PRIM2: variants seen among roughly 807,000 people sequenced by gnomAD.
PRIM2 encodes DNA primase large subunit.
A neutral mutation model predicts 67.3 loss-of-function variants in PRIM2; 39 were observed. The observed-to-expected ratio is 0.58, with a 90% CI of 0.45 to 0.76. PRIM2 has a LOEUF of 0.76. Among genes scored for constraint, PRIM2 ranks in the 30% least tolerant of loss-of-function variants. The pLI is 0.00. For synonymous variants in PRIM2, 143 were observed against 198.7 expected (o/e 0.72, Z 2.36); for missense variants, 398 against 598.7 (o/e 0.66, Z 3.50).
the PRIM2 span, among the ~76,000 whole-genome samples, chr6:57,302,407 G>T: frequency 6.6e-6 from 1 of 152,072 alleles, no homozygotes; most frequent in African/African-American, 2.4e-5. Flanking sequence ...TTTTCCATGG[G>T]TTTAACTGAG....
chr6:57,398,202 C>T (rs888879369), intron 7 of PRIM2, among the ~76,000 whole-genome samples: 4 of 152,090 alleles, frequency 2.6e-5, no homozygotes, highest in Non-Finnish European at 4.4e-5. Context: ...TCATGATCTG[C>T]TTGCCTCGGC....
intron 7 of PRIM2, among the ~76,000 whole-genome samples, chr6:57,483,614 A>G (rs1332794158): frequency 2.0e-5 from 3 of 152,194 alleles, no homozygotes; most frequent in Non-Finnish European, 4.4e-5. Flanking sequence ...ATTGCTAATA[A>G]TGACTGTTAA....
chr6:57,509,278 A>T (rs1422422318), intron 8 of PRIM2, among the ~76,000 whole-genome samples: 180 of 152,126 alleles, frequency 1.2e-3, no homozygotes, highest in African/African-American at 4.1e-3. Flanking sequence ...TGAATAGCAT[A>T]CATTTTTATG....
the PRIM2 span, among the ~76,000 whole-genome samples, chr6:57,245,635 A>T: frequency 6.6e-6 from 1 of 152,132 alleles, no homozygotes; most frequent in African/African-American, 2.4e-5. Flanking sequence ...TAGCATTTTG[A>T]TAGTCTAAGC....
At chr6:57,558,352 G>T (rs2127477288) in intron 10 of PRIM2, among the ~76,000 whole-genome samples, 1 of 152,276 alleles carries the variant, frequency 6.6e-6, no homozygotes, top group South Asian at 2.1e-4. Flanking sequence ...CTCAGAGAGG[G>T]CTTCATGGAC....
At chr6:57,389,553 A>C (rs1026801963) in intron 7 of PRIM2, among the ~76,000 whole-genome samples, 6 of 152,224 alleles carry the variant, frequency 3.9e-5, no homozygotes, top group Non-Finnish European at 8.8e-5. Context: ...CCAGGAAGAT[A>C]ATTGAAAGGC....
intron 12 of PRIM2, among the ~76,000 whole-genome samples, chr6:57,622,284 A>G (rs1486022259): frequency 6.6e-6 from 1 of 152,192 alleles, no homozygotes; most frequent in Non-Finnish European, 1.5e-5. Flanking sequence ...GTAATTGCTT[A>G]TTTTTACTGT....
At chr6:57,525,914 G>A (rs1774740638) in intron 8 of PRIM2, among the ~76,000 whole-genome samples, 1 of 152,174 alleles carries the variant, frequency 6.6e-6, no homozygotes, top group Non-Finnish European at 1.5e-5. Context: ...GTTGTACAGG[G>A]ATTCCTGAAG....
intron 7 of PRIM2, among the ~76,000 whole-genome samples, chr6:57,424,784 T>C (rs1466361060): frequency 6.6e-6 from 1 of 152,216 alleles, no homozygotes; most frequent in African/African-American, 2.4e-5. Flanking sequence ...GCTAGAAATA[T>C]TTTTTGATCA....
At chr6:57,271,450 TATTTCTGTGGG>T in the PRIM2 span, among the ~76,000 whole-genome samples, 2 of 152,256 alleles carry the variant, frequency 1.3e-5, no homozygotes, top group African/African-American at 4.8e-5. Context: ...TGGTAGTTTG[TATTTCTGTGGG>T]ATTGGTGGTG....
chr6:57,316,273 A>G (rs1767481262), upstream of PRIM2, among the ~76,000 whole-genome samples: 1 of 152,120 alleles, frequency 6.6e-6, no homozygotes, highest in Admixed American at 6.5e-5. Flanking sequence ...AAAATACAAA[A>G]ATTAGCCAGG....
intron 7 of PRIM2, among the ~76,000 whole-genome samples, chr6:57,418,038 C>G (rs1340870035): frequency 6.6e-6 from 1 of 151,960 alleles, no homozygotes; most frequent in African/African-American, 2.4e-5. Context: ...ATACTTATAG[C>G]CAGAAGGTTG....
At chr6:57,406,303 T>G (rs1359252377) in intron 7 of PRIM2, among the ~76,000 whole-genome samples, 1 of 152,214 alleles carries the variant, frequency 6.6e-6, no homozygotes, top group Non-Finnish European at 1.5e-5. Flanking sequence ...TTCAGACAGA[T>G]GAGTACCGTC....
intron 5 of PRIM2, among the ~76,000 whole-genome samples, chr6:57,360,006 T>TA (rs1286990104): frequency 6.6e-6 from 1 of 152,188 alleles, no homozygotes; most frequent in Non-Finnish European, 1.5e-5. Flanking sequence ...GAAAGTAATG[T>TA]AATAAGGTAT....
At chr6:57,540,150 TG>T (rs1775117255) in intron 10 of PRIM2, among the ~76,000 whole-genome samples, 1 of 152,210 alleles carries the variant, frequency 6.6e-6, no homozygotes, top group Non-Finnish European at 1.5e-5. Context: ...AAACAGTTTT[TG>T]ATCTTTTTAT....
At chr6:57,318,650 C>T in intron 2 of PRIM2, 51 bp downstream of exon 2, 2 of 1,392,954 alleles carry the variant, frequency 1.4e-6, no homozygotes, top group East Asian at 2.5e-5. Context: ...GCTCACTTAC[C>T]CTTTGTGAGA....
chr6:57,229,255 C>G, the PRIM2 span, among the ~76,000 whole-genome samples: 5 of 152,134 alleles, frequency 3.3e-5, no homozygotes, highest in African/African-American at 4.8e-5. Flanking sequence ...ATTTTCATAT[C>G]ATTATCTTTC....
At chr6:57,517,471 G>A (rs1170539474) in intron 8 of PRIM2, among the ~76,000 whole-genome samples, 2,590 of 152,104 alleles carry the variant, frequency 0.017, 27 homozygotes, top group African/African-American at 0.029. Flanking sequence ...GCCACTTACG[G>A]CTATTGAGCA....
At chr6:57,306,846 T>G in the PRIM2 span, among the ~76,000 whole-genome samples, 1 of 152,148 alleles carries the variant, frequency 6.6e-6, no homozygotes, top group African/African-American at 2.4e-5. Context: ...CAAAAAAACT[T>G]TTATAAAAAT....
Sources: allele counts gnomAD v4.1 joint callset (sites outside exome capture counted in the v4.1 genomes callset), GRCh38; gene constraint gnomAD v4.1.1; transcripts MANE v1.5; gene names NCBI Gene and HGNC (gene_info 2026-07-23, HGNC 2026-07-21).